Variants in GNAL observed in about 807,000 individuals in gnomAD.
GNAL encodes guanine nucleotide-binding protein G(olf) subunit alpha.
GNAL carries 18 observed loss-of-function variants against 55.1 expected under a neutral mutation model. The ratio of observed to expected loss-of-function variants is 0.33; its 90% CI spans 0.23 to 0.48. The LOEUF is 0.48. Among genes scored for constraint, GNAL ranks in the 20% least tolerant of loss-of-function variants. The pLI is 0.99. For synonymous variants in GNAL, 253 were observed against 237.0 expected (o/e 1.07, Z -0.62); for missense variants, 412 against 614.1 (o/e 0.67, Z 3.48).
chr18:11,815,212 C>T (rs1028448165), intron 4 of GNAL, among the ~76,000 whole-genome samples: 4 of 152,080 alleles, frequency 2.6e-5, no homozygotes, highest in African/African-American at 9.7e-5. Context: ...TGTATATACT[C>T]ATTGAAGCAC....
chr18:11,846,466 C>T (rs12458934), intron 5 of GNAL, among the ~76,000 whole-genome samples: 75 of 22,860 alleles, frequency 3.3e-3, no homozygotes, highest in Middle Eastern at 0.043. Flanking sequence ...TATAAATATA[C>T]ACACACACAC....
At chr18:11,820,081 A>G (rs2035054479) in intron 4 of GNAL, among the ~76,000 whole-genome samples, 1 of 152,184 alleles carries the variant, frequency 6.6e-6, no homozygotes, top group African/African-American at 2.4e-5. Flanking sequence ...ATTGTGAGAA[A>G]GGGCTATTTT....
At chr18:11,717,131 C>A (rs997664659) in intron 1 of GNAL, among the ~76,000 whole-genome samples, 18 of 152,256 alleles carry the variant, frequency 1.2e-4, no homozygotes, top group Non-Finnish European at 2.4e-4. Context: ...TTGAGCACAG[C>A]AGCTGCTGGC....
At chr18:11,808,096 A>G (rs991575375) in intron 4 of GNAL, among the ~76,000 whole-genome samples, 2 of 150,916 alleles carry the variant, frequency 1.3e-5, no homozygotes, top group Non-Finnish European at 2.9e-5. Context: ...CCATTCCAGG[A>G]CCATGATAAA....
intron 1 of GNAL, among the ~76,000 whole-genome samples, chr18:11,700,385 C>T (rs1024624265): frequency 2.0e-5 from 3 of 152,250 alleles, no homozygotes; most frequent in Non-Finnish European, 4.4e-5. Flanking sequence ...GGGAGGGGCA[C>T]ACACACACTG....
intron 1 of GNAL, among the ~76,000 whole-genome samples, chr18:11,697,843 C>T (rs2031457747): frequency 6.6e-6 from 1 of 152,172 alleles, no homozygotes; most frequent in Non-Finnish European, 1.5e-5. Flanking sequence ...ACTGAAGGGC[C>T]TTGGATGTCC....
intron 5 of GNAL, among the ~76,000 whole-genome samples, chr18:11,847,191 G>C (rs2035758963): frequency 6.6e-6 from 1 of 151,978 alleles, no homozygotes; most frequent in South Asian, 2.1e-4. Context: ...CCAGGTATAG[G>C]TAGTCAACCA....
chr18:11,822,000 GA>G (rs1018853494), intron 4 of GNAL, among the ~76,000 whole-genome samples: 8 of 152,362 alleles, frequency 5.3e-5, no homozygotes, highest in Non-Finnish European at 8.8e-5. Flanking sequence ...TAAGTAAGTC[GA>G]AAAGCAAGGG....
chr18:11,726,673 T>C (rs1421155957), intron 1 of GNAL, among the ~76,000 whole-genome samples: 1 of 152,190 alleles, frequency 6.6e-6, no homozygotes, highest in Non-Finnish European at 1.5e-5. Context: ...GCTTTCAGCA[T>C]GGAGCTGCTG....
intron 5 of GNAL, among the ~76,000 whole-genome samples, chr18:11,834,859 A>C (rs1038311300): frequency 6.6e-6 from 1 of 152,202 alleles, no homozygotes; most frequent in African/African-American, 2.4e-5. Context: ...CCCCTGTGAG[A>C]ACATGGCAGT....
intron 5 of GNAL, among the ~76,000 whole-genome samples, chr18:11,834,947 C>G (rs73407478): frequency 0.016 from 2,405 of 152,336 alleles, 61 homozygotes; most frequent in African/African-American, 0.055. Flanking sequence ...TGTGCATCCT[C>G]TGTGCCTCTT....
chr18:11,724,274 TTCAG>T (rs1459976136), intron 1 of GNAL, among the ~76,000 whole-genome samples: 1 of 152,182 alleles, frequency 6.6e-6, no homozygotes, highest in African/African-American at 2.4e-5. Flanking sequence ...GGGCAGCGTT[TTCAG>T]GCTGGCTTCT....
chr18:11,863,273 A>G (rs1416038009), intron 6 of GNAL, among the ~76,000 whole-genome samples: 3 of 152,190 alleles, frequency 2.0e-5, no homozygotes, highest in East Asian at 3.9e-4. Flanking sequence ...GGATTGCTCA[A>G]TTCAGGAGAC....
chr18:11,788,897 GAAAAAA>G (rs1162398867), intron 4 of GNAL, among the ~76,000 whole-genome samples: 16 of 82,512 alleles, frequency 1.9e-4, no homozygotes, highest in Admixed American at 7.8e-4. Flanking sequence ...ACTCCGTCTC[GAAAAAA>G]AAAAAAAAAA....
intron 5 of GNAL, among the ~76,000 whole-genome samples, chr18:11,855,801 C>T (rs1249624): frequency 0.6 from 90,665 of 151,876 alleles, 30,609 homozygotes; most frequent in Admixed American, 0.76. Flanking sequence ...GAAGAAACCC[C>T]GTCTCTACTA....
chr18:11,822,698 C>G (rs1023372973), intron 4 of GNAL, among the ~76,000 whole-genome samples: 4 of 152,192 alleles, frequency 2.6e-5, no homozygotes, highest in Non-Finnish European at 4.4e-5. Flanking sequence ...GGGTCAGCAC[C>G]GTGTGGGCTC....
At chr18:11,784,114 A>C (rs1277822416) in intron 4 of GNAL, among the ~76,000 whole-genome samples, 2 of 152,236 alleles carry the variant, frequency 1.3e-5, no homozygotes, top group Non-Finnish European at 2.9e-5. Context: ...TTGCCTGAGT[A>C]CCGGACACTG....
chr18:11,735,937 C>G (rs568773470), intron 1 of GNAL, among the ~76,000 whole-genome samples: 1 of 152,090 alleles, frequency 6.6e-6, no homozygotes, highest in Non-Finnish European at 1.5e-5. Context: ...CGGATGCCTT[C>G]GAGCCCTCCC....
chr18:11,853,117 C>T (rs1280835936), intron 5 of GNAL: 1 of 167,062 alleles, frequency 6.0e-6, no homozygotes, highest in African/African-American at 2.4e-5. Context: ...AAAATTAGAA[C>T]TGCGTTTTAA....
Sources: allele counts gnomAD v4.1 joint callset (sites outside exome capture counted in the v4.1 genomes callset), GRCh38; gene constraint gnomAD v4.1.1; transcripts MANE v1.5; gene names NCBI Gene and HGNC (gene_info 2026-07-23, HGNC 2026-07-21).